The following PLEKHO2 variants were observed in gnomAD, a reference collection of about 807,000 sequenced individuals.
PLEKHO2 encodes pleckstrin homology domain-containing family O member 2.
PLEKHO2 carries 20 observed loss-of-function variants against 32.7 expected under a neutral mutation model. The observed-to-expected ratio is 0.61, with a 90% CI of 0.43 to 0.89. The LOEUF is 0.89. PLEKHO2 is among the 40% of genes least tolerant of loss of function. The pLI is 0.00. For missense variants in PLEKHO2, 568 were observed against 621.2 expected (o/e 0.91, Z 0.91); for synonymous variants, 247 against 246.3 (o/e 1.00, Z -0.03).
At position 64,865,546 on chromosome 15, in the gene PLEKHO2, C is replaced by A; in HGVS notation, c.1131C>A (p.Pro377=). 1 of 1,614,170 alleles carries A rather than the reference C, an allele frequency of 6.2e-7. No individual in the cohort carries two copies. The highest frequency in any genetic ancestry group is 8.5e-7 in the Non-Finnish European group (1 of 1,180,022). The part of the protein sequence containing the change: ...KDATTSTALP[P]WDLPPQFHPR... ...CAACAACATCCACAGCACTGCCCCC[C>A]TGGGACCTGCCACCTCAGTTCCATC... The change falls in exon 6 of 6, where the codon CCC becomes CCA. Residue 377 remains proline (P), a synonymous_variant. Coordinates refer to ENST00000323544, the MANE Select transcript of PLEKHO2 (RefSeq NM_025201.5).
In PLEKHO2 at chr15:64,865,997, G is replaced by A. The variant is rs1484861910; in HGVS notation, c.*109G>A. ...CTTCTACAGCAATGGCTGCAGGAGG[G>A]CCATTGGGCATGTCAGGGTTTGGCC... On this transcript the variant is annotated 3_prime_UTR_variant, in exon 6 of 6. Coordinates refer to ENST00000323544, the MANE Select transcript of PLEKHO2 (RefSeq NM_025201.5). 5 of 1,360,924 alleles carry A rather than the reference G, an allele frequency of 3.7e-6. No homozygotes were observed. The African/African-American group carries it at 4.4e-5, about 12-fold the overall frequency. 84.3% of individuals were successfully genotyped at this position (1,360,924 alleles called of 1,614,324 possible). A position where few individuals can be genotyped will look rare whatever the true frequency, so the allele number is the denominator to read the frequency against.
intron 1 of PLEKHO2, among the ~76,000 whole-genome samples, chr15:64,842,380 C>G (rs572833151): frequency 0.26 from 8,622 of 33,012 alleles, 1,011 homozygotes; most frequent in African/African-American, 0.48. Context: ...TCCTGACTCT[C>G]TCTCTCTCTC....
chr15:64,862,726 G>A (rs900903655), intron 5 of PLEKHO2, among the ~76,000 whole-genome samples: 2 of 152,040 alleles, frequency 1.3e-5, no homozygotes, highest in African/African-American at 4.8e-5. Context: ...CACAAGGGCA[G>A]GACCAAGGAC....
intron 1 of PLEKHO2, among the ~76,000 whole-genome samples, chr15:64,844,537 G>A (rs1160216800): frequency 6.6e-6 from 1 of 152,220 alleles, no homozygotes; most frequent in African/African-American, 2.4e-5. Context: ...TCTGCCAGCA[G>A]TCATGCCTTT....
At chr15:64,844,844 T>A (rs1467921570) in intron 1 of PLEKHO2, among the ~76,000 whole-genome samples, 1 of 152,118 alleles carries the variant, frequency 6.6e-6, no homozygotes, top group African/African-American at 2.4e-5. Flanking sequence ...CTAGGACCGG[T>A]GCATCCCTCT....
At chr15:64,853,596 G>T (rs1279688769) in intron 2 of PLEKHO2, among the ~76,000 whole-genome samples, 2 of 152,090 alleles carry the variant, frequency 1.3e-5, no homozygotes, top group Admixed American at 6.6e-5. Flanking sequence ...ACCCAGCCGG[G>T]AGTTTGCATT....
chr15:64,848,492 G>C, intron 1 of PLEKHO2, 101 bp from the exon 2 acceptor site: 1 of 1,349,860 alleles, frequency 7.4e-7, no homozygotes. Context: ...GATGTCATTA[G>C]GTACTTAGCC....
At chr15:64,857,701 A>G (rs904744153) in intron 3 of PLEKHO2, among the ~76,000 whole-genome samples, 33 of 152,242 alleles carry the variant, frequency 2.2e-4, no homozygotes, top group Admixed American at 2.0e-3. Flanking sequence ...GGCTTGCACA[A>G]TAGGTCTTCT....
intron 5 of PLEKHO2, among the ~76,000 whole-genome samples, chr15:64,864,551 A>AT (rs577338515): frequency 3.4e-4 from 51 of 152,224 alleles, no homozygotes; most frequent in Middle Eastern, 3.4e-3. Flanking sequence ...TAGGGGTTAG[A>AT]TGCAGGGCTG....
At chr15:64,845,359 C>T (rs2084514673) in intron 1 of PLEKHO2, among the ~76,000 whole-genome samples, 1 of 151,910 alleles carries the variant, frequency 6.6e-6, no homozygotes, top group African/African-American at 2.4e-5. Flanking sequence ...GAACAGCGGT[C>T]AGCTGCTCAG....
At chr15:64,845,057 G>C (rs1393302897) in intron 1 of PLEKHO2, among the ~76,000 whole-genome samples, 2 of 152,184 alleles carry the variant, frequency 1.3e-5, no homozygotes, top group African/African-American at 2.4e-5. Context: ...GTAGAGTTGG[G>C]TCAGAACATC....
chr15:64,859,764 C>A, intron 3 of PLEKHO2, 130 bp from the exon 4 acceptor site: 1 of 738,462 alleles, frequency 1.4e-6, no homozygotes, highest in East Asian at 2.5e-5. Flanking sequence ...TGGCCCAAAG[C>A]CCCAGTGTCA....
Position 64,865,161 on chromosome 15 carries a change from A to G in PLEKHO2, c.746A>G (p.Glu249Gly), listed in dbSNP as rs150135041. 4.4e-4 allele frequency: 709 copies of G among 1,614,152 alleles called. 2 individuals are homozygous for G. The African/African-American group carries it at 7.6e-3, about 17-fold the overall frequency. Residue 249 changes from glutamate to glycine, a missense_variant, in exon 6 of 6, where the codon GAG becomes GGG. Coordinates refer to ENST00000323544, the MANE Select transcript of PLEKHO2 (RefSeq NM_025201.5). Reference protein sequence around the residue: ...EVSPESQEDSETPAEEDSGSE... With the variant: ...EVSPESQEDSGTPAEEDSGSE... Reference sequence around the variant, plus strand: ...TCCCCTGAGAGCCAAGAGGACTCAGAGACCCCAGCAGAGGAGGACAGTGGC... The same window carrying G: ...TCCCCTGAGAGCCAAGAGGACTCAGGGACCCCAGCAGAGGAGGACAGTGGC...
chr15:64,860,843 T>TGAGGGACA (rs1208639496), intron 4 of PLEKHO2, among the ~76,000 whole-genome samples: 1 of 152,206 alleles, frequency 6.6e-6, no homozygotes, highest in African/African-American at 2.4e-5. Flanking sequence ...CTCAGCCCAC[T>TGAGGGACA]GAGGGACAGA....
At chr15:64,861,436 C>A in intron 4 of PLEKHO2, 41 bp from the exon 5 acceptor site, 1 of 1,507,182 alleles carries the variant, frequency 6.6e-7, no homozygotes, top group Non-Finnish European at 9.0e-7. Context: ...CCACACTCCC[C>A]AAGGCTTGGC....
intron 2 of PLEKHO2, among the ~76,000 whole-genome samples, chr15:64,850,387 C>G (rs189352669): frequency 1.3e-5 from 2 of 152,258 alleles, no homozygotes; most frequent in Admixed American, 1.3e-4. Flanking sequence ...CAAGAGACGC[C>G]AGCAAGTAAA....
chr15:64,859,462 G>GCAGGGC (rs1006412050), intron 3 of PLEKHO2, among the ~76,000 whole-genome samples: 114 of 152,202 alleles, frequency 7.5e-4, no homozygotes, highest in African/African-American at 2.1e-3. Context: ...ATTGGGCCTG[G>GCAGGGC]CAGGGTCAGG....
At chr15:64,845,678 A>G (rs904528629) in intron 1 of PLEKHO2, among the ~76,000 whole-genome samples, 1 of 152,180 alleles carries the variant, frequency 6.6e-6, no homozygotes, top group Non-Finnish European at 1.5e-5. Flanking sequence ...TTCATTCTTC[A>G]AGGACCTGGA....
At position 64,865,840 on chromosome 15, in the gene PLEKHO2, G is replaced by A; in HGVS notation, c.1425G>A (p.Arg475=). Residue 475 remains arginine, a synonymous_variant, in exon 6 of 6, where the codon AGG becomes AGA. Transcript: ENST00000323544. ...TGAGCCAGGAAGCACCTGGGCTAAG[G>A]GAGAAGCGGAAGGAGCTGGTGACCC... ...GELSQEAPGL[R]EKRKELVTLY... 1 of 1,611,976 alleles carries A rather than the reference G, an allele frequency of 6.2e-7. No homozygotes were observed. Among genetic ancestry groups the A allele is most frequent in the Non-Finnish European group, 8.5e-7 (1 of 1,180,006 alleles).
Sources: gnomAD v4.1 joint callset for allele counts (sites outside exome capture counted in the v4.1 genomes callset) on GRCh38, gnomAD v4.1.1 for gene constraint, MANE v1.5 for transcripts, NCBI Gene and HGNC (gene_info 2026-07-23, HGNC 2026-07-21) for gene names.